TMEM131: variants seen among roughly 807,000 people sequenced by gnomAD.
TMEM131 encodes the protein 2610524E03Rik.
A neutral mutation model predicts 211.6 loss-of-function variants in TMEM131; 66 were observed. The ratio of observed to expected loss-of-function variants is 0.31; its 90% confidence interval spans 0.26 to 0.38. The LOEUF (loss-of-function observed/expected upper bound fraction) is 0.38. Among genes scored for constraint, TMEM131 ranks in the 10% least tolerant of loss-of-function variants. TMEM131 has a pLI of 1.00. For synonymous variants in TMEM131, 844 were observed against 841.3 expected (o/e 1.00, Z -0.06); for missense variants, 2,036 against 2,299.3 (o/e 0.89, Z 2.34).
rs1240039172 is a variant in TMEM131 at position 97,775,907 on chromosome 2, T to C, written c.4256A>G (p.Asp1419Gly). Residue 1419 changes from aspartate to glycine, a missense_variant, in exon 32 of 41, where the codon GAT becomes GGT. Physicochemically the swap from Asp to Gly is moderately conservative, Grantham distance 94. This residue lies in a region of TMEM131 where 1,623 missense variants were observed against 1,805.9 expected (regional missense o/e 0.90). Coordinates refer to ENST00000186436, the MANE Select transcript of TMEM131 (RefSeq NM_015348.2). ...QEDELKDSLA[D>G]DDSSSTTTET... Reference sequence around the variant, plus strand: ...TGTGGTGGTGGAGGAGCTATCATCATCAGCCAAAGAGTCCTTCAGCTCATC... The same window carrying C: ...TGTGGTGGTGGAGGAGCTATCATCACCAGCCAAAGAGTCCTTCAGCTCATC... 6.2e-7 allele frequency: 1 copy of C among 1,613,996 alleles called. No individual in the cohort carries two copies. The highest frequency in any genetic ancestry group is 1.6e-4 in the Middle Eastern group (1 of 6,062).
At chr2:97,845,231 T>C (rs186550995) in intron 5 of TMEM131, among the ~76,000 whole-genome samples, 416 of 152,008 alleles carry the variant, frequency 2.7e-3, no homozygotes, top group Non-Finnish European at 4.0e-3. Flanking sequence ...CAAGGACAGA[T>C]AGAATGGGAA....
intron 31 of TMEM131, 28 bp downstream of exon 31, chr2:97,792,358 C>G: frequency 6.6e-7 from 1 of 1,515,894 alleles, no homozygotes; most frequent in Non-Finnish European, 8.9e-7. Flanking sequence ...TCACACATCA[C>G]GGATCTCCGG....
At chr2:97,830,480 G>A (rs1378357488) in intron 11 of TMEM131, among the ~76,000 whole-genome samples, 1 of 152,056 alleles carries the variant, frequency 6.6e-6, no homozygotes, top group African/African-American at 2.4e-5. Context: ...GAAATTCAAC[G>A]GTCCGGAACA....
chr2:97,978,328 G>T (rs1278921927), intron 1 of TMEM131, among the ~76,000 whole-genome samples: 3 of 152,136 alleles, frequency 2.0e-5, no homozygotes, highest in Non-Finnish European at 4.4e-5. Context: ...ACCAGGAGCA[G>T]ATTTCATCTC....
At chr2:97,914,632 T>C (rs1394119802) in intron 2 of TMEM131, among the ~76,000 whole-genome samples, 1 of 152,248 alleles carries the variant, frequency 6.6e-6, no homozygotes, top group African/African-American at 2.4e-5. Context: ...ATCATGCACA[T>C]GTAACCTTTT....
intron 1 of TMEM131, among the ~76,000 whole-genome samples, chr2:97,933,063 A>G (rs1157349793): frequency 6.6e-6 from 1 of 152,210 alleles, no homozygotes; most frequent in East Asian, 1.9e-4. Context: ...TCTAGGAGCA[A>G]TAGGCTGTAT....
chr2:97,965,723 T>C (rs1679028477), intron 1 of TMEM131, among the ~76,000 whole-genome samples: 1 of 151,810 alleles, frequency 6.6e-6, no homozygotes. Context: ...GTAATGAAAA[T>C]TACTGCTCCT....
At position 97,834,780 on chromosome 2, in the gene TMEM131, G is replaced by A. The variant is rs1232625621; in HGVS notation, c.950C>T (p.Thr317Ile). 6.2e-7 allele frequency: 1 copy of A among 1,613,388 alleles called. No homozygotes were observed. Among genetic ancestry groups the A allele is most frequent in the Non-Finnish European group, 8.5e-7 (1 of 1,179,658 alleles). Residue 317 changes from threonine (T) to isoleucine (I), a missense_variant, in exon 9 of 41, where the codon ACA becomes ATA. Transcript: ENST00000186436. ...TTCATCAGTTTTCCACTAACCTGTT[G>A]TAACTTCAACCTCAACAGGAAGAAT... ...FIILPVEVEV[T>I]TAPGIYSSTE...
At chr2:97,911,517 A>G (rs1406349584) in intron 2 of TMEM131, 1 of 439,400 alleles carries the variant, frequency 2.3e-6, no homozygotes, top group Non-Finnish European at 3.0e-6. Context: ...AGTCTACAGA[A>G]AAGGAACTCA....
At chr2:97,983,880 CTG>C (rs1161697385) in intron 1 of TMEM131, among the ~76,000 whole-genome samples, 1 of 152,232 alleles carries the variant, frequency 6.6e-6, no homozygotes, top group Non-Finnish European at 1.5e-5. Flanking sequence ...CAAACCATAA[CTG>C]TGGCAGTCAG....
intron 1 of TMEM131, among the ~76,000 whole-genome samples, chr2:97,980,367 G>A (rs1285938143): frequency 1.3e-5 from 2 of 152,142 alleles, no homozygotes; most frequent in East Asian, 3.9e-4. Flanking sequence ...AATAAAATGA[G>A]AAATGCCTGT....
rs183955199 is a variant in TMEM131 at position 97,853,668 on chromosome 2, A to C, written c.483+5636T>G. 4.1e-4 allele frequency among the ~76,000 whole-genome samples: 63 copies of C among 152,090 alleles called. 1 individual carries two copies. The highest frequency in any genetic ancestry group is 1.7e-3 in the Admixed American group (26 of 15,282). ...GGGAGAAGGTTAAAATGTCAACAATAGGAGGCTGGAAGAAGTTAATCCCAA... is the reference window on the plus strand; with the variant it reads ...GGGAGAAGGTTAAAATGTCAACAATCGGAGGCTGGAAGAAGTTAATCCCAA... On this transcript the variant is annotated intron_variant, in intron 5 of 40. Transcript: ENST00000186436.
At chr2:97,803,170 C>G (rs900872005) in intron 22 of TMEM131, among the ~76,000 whole-genome samples, 2 of 152,154 alleles carry the variant, frequency 1.3e-5, no homozygotes, top group African/African-American at 4.8e-5. Flanking sequence ...AAAGATAATA[C>G]ATGATGTTAC....
intron 4 of TMEM131, among the ~76,000 whole-genome samples, chr2:97,880,390 T>C (rs1674877489): frequency 6.6e-6 from 1 of 152,216 alleles, no homozygotes; most frequent in Non-Finnish European, 1.5e-5. Flanking sequence ...CATTTCCCTG[T>C]TGACAGCATG....
intron 1 of TMEM131, among the ~76,000 whole-genome samples, chr2:97,948,653 T>G (rs1002600735): frequency 4.1e-5 from 3 of 73,620 alleles, no homozygotes; most frequent in African/African-American, 1.1e-4. Flanking sequence ...CAGTAGTTTC[T>G]TTTTTTTTTA....
chr2:97,959,837 T>C (rs1011930731), intron 1 of TMEM131, among the ~76,000 whole-genome samples: 1 of 152,190 alleles, frequency 6.6e-6, no homozygotes, highest in Non-Finnish European at 1.5e-5. Context: ...CAGCATTATA[T>C]TTGGTTGTCA....
At chr2:97,964,449 CAATG>C (rs925709385) in intron 1 of TMEM131, among the ~76,000 whole-genome samples, 61 of 152,316 alleles carry the variant, frequency 4.0e-4, no homozygotes, top group African/African-American at 1.4e-3. Context: ...GGAAAGAAGT[CAATG>C]TTTTCCATAA....
chr2:97,874,511 C>CT (rs1674613524), intron 4 of TMEM131, among the ~76,000 whole-genome samples: 1 of 152,198 alleles, frequency 6.6e-6, no homozygotes, highest in Non-Finnish European at 1.5e-5. Context: ...GCCCATCAGA[C>CT]TAACAGCGGA....
intron 8 of TMEM131, among the ~76,000 whole-genome samples, 164 bp downstream of exon 8, chr2:97,836,913 C>T (rs1559391096): frequency 6.6e-6 from 1 of 152,054 alleles, no homozygotes; most frequent in Non-Finnish European, 1.5e-5. Flanking sequence ...ATATTCTTTC[C>T]TCCTCCAATT....
Sources: allele counts gnomAD v4.1 joint callset (sites outside exome capture counted in the v4.1 genomes callset), GRCh38; gene constraint gnomAD v4.1.1; regional missense constraint gnomAD v4.1.1; transcripts MANE v1.5; gene names NCBI Gene and HGNC (gene_info 2026-07-23, HGNC 2026-07-21).